The following PCDH11Y variants were observed in gnomAD, a reference collection of about 807,000 sequenced individuals.
PCDH11Y encodes protocadherin 11 Y-linked.
For missense variants in PCDH11Y, 12 were observed against 224.8 expected, an observed-to-expected ratio of 0.05 and a Z score of 6.05; for synonymous variants, 9 against 83.6, an observed-to-expected ratio of 0.11 and a Z score of 4.87.
At chrY:5,037,456 C>T (rs2052600869) in intron 3 of PCDH11Y, among the ~76,000 whole-genome samples, 1 of 31,662 alleles carries the variant, frequency 3.2e-5, no homozygotes, top group Non-Finnish European at 7.7e-5. Flanking sequence ...GTAATCCCAG[C>T]TACTTGGTAG....
intron 3 of PCDH11Y, among the ~76,000 whole-genome samples, chrY:5,041,793 T>C (rs2052612798): frequency 3.0e-5 from 1 of 33,272 alleles, no homozygotes; most frequent in East Asian, 8.1e-4. Flanking sequence ...TTTTTAATGA[T>C]TGCCATTCTA....
downstream of PCDH11Y, among the ~76,000 whole-genome samples, chrY:5,107,173 A>G (rs2124637996): frequency 3.0e-5 from 1 of 33,057 alleles, no homozygotes; most frequent in Non-Finnish European, 7.4e-5. Flanking sequence ...GAAGATGAAA[A>G]TTCCTTGAAA....
chrY:5,309,657 A>T, intron 2 of PCDH11Y, among the ~76,000 whole-genome samples: 1 of 32,941 alleles, frequency 3.0e-5, no homozygotes, highest in Non-Finnish European at 7.4e-5. Flanking sequence ...TGAATACAAA[A>T]GCAGAGTAAT....
chrY:5,253,569 G>A, intron 2 of PCDH11Y, among the ~76,000 whole-genome samples: 1 of 31,102 alleles, frequency 3.2e-5, no homozygotes, highest in Admixed American at 3.0e-4. Flanking sequence ...CCATTTTCTT[G>A]TCTTTTTGTT....
chrY:5,649,726 G>A, intron 4 of PCDH11Y, among the ~76,000 whole-genome samples: 4 of 33,169 alleles, frequency 1.2e-4, no homozygotes, highest in East Asian at 7.9e-4. Context: ...TCTATGTCAT[G>A]CATGCCCCTT....
chrY:5,303,717 G>A, intron 2 of PCDH11Y, among the ~76,000 whole-genome samples: 1 of 32,819 alleles, frequency 3.0e-5, no homozygotes, highest in Admixed American at 2.8e-4. Flanking sequence ...TCTATAGTGG[G>A]CCTCACTGGG....
At chrY:5,683,747 A>T in intron 4 of PCDH11Y, among the ~76,000 whole-genome samples, 1 of 33,144 alleles carries the variant, frequency 3.0e-5, no homozygotes, top group Admixed American at 2.7e-4. Context: ...TTGTGCTAGG[A>T]AAACTTAATT....
intron 3 of PCDH11Y, chrY:5,573,833 G>A: frequency 4.2e-6 from 1 of 236,645 alleles, no homozygotes; most frequent in Non-Finnish European, 7.2e-6. Flanking sequence ...CCAGCTTTAG[G>A]TTGACCGTGG....
chrY:5,343,141 C>A, intron 2 of PCDH11Y, among the ~76,000 whole-genome samples: 8 of 33,490 alleles, frequency 2.4e-4, no homozygotes, highest in South Asian at 1.3e-3. Context: ...AAACACGTAT[C>A]TTTTCAAATT....
At chrY:5,191,417 A>T in intron 2 of PCDH11Y, among the ~76,000 whole-genome samples, 2 of 32,624 alleles carry the variant, frequency 6.1e-5, no homozygotes, top group African/African-American at 1.2e-4. Context: ...TTTATTGCAT[A>T]AAAAAAAAGA....
chrY:5,139,362 T>C (rs2052845099), intron 2 of PCDH11Y, among the ~76,000 whole-genome samples: 1 of 32,606 alleles, frequency 3.1e-5, no homozygotes, highest in African/African-American at 1.2e-4. Flanking sequence ...ACCACTTCTC[T>C]TCAAAATAGG....
At chrY:5,493,501 C>G in intron 2 of PCDH11Y, among the ~76,000 whole-genome samples, 1 of 32,226 alleles carries the variant, frequency 3.1e-5, no homozygotes, top group East Asian at 7.9e-4. Context: ...ATCCATGGTT[C>G]CATCATCTCC....
exon 5 of PCDH11Y, chrY:5,737,922 A>T: frequency 2.5e-6 from 1 of 399,150 alleles, no homozygotes; most frequent in Non-Finnish European, 3.5e-6. Context: ...TTCCCCCATT[A>T]TGGAAACACA....
At chrY:5,390,261 G>A in intron 2 of PCDH11Y, among the ~76,000 whole-genome samples, 1 of 33,654 alleles carries the variant, frequency 3.0e-5, no homozygotes, top group Admixed American at 2.7e-4. Flanking sequence ...TTTCCTATGG[G>A]ATTTTATTGT....
At chrY:5,069,473 C>G (rs2124630431) in intron 1 of PCDH11Y, among the ~76,000 whole-genome samples, 1 of 33,220 alleles carries the variant, frequency 3.0e-5, no homozygotes, top group South Asian at 6.7e-4. Flanking sequence ...CACATATTTC[C>G]CTAAATAGCC....
intron 4 of PCDH11Y, among the ~76,000 whole-genome samples, chrY:5,736,205 CCT>C (rs2053609359): frequency 1.2e-4 from 4 of 32,428 alleles, no homozygotes; most frequent in Non-Finnish European, 3.0e-4. Flanking sequence ...AAGATATTCC[CCT>C]GTTTCTAATT....
intron 2 of PCDH11Y, among the ~76,000 whole-genome samples, chrY:5,311,474 G>GATATAT: frequency 2.0e-3 from 28 of 14,261 alleles, no homozygotes; most frequent in African/African-American, 0.011. Context: ...AAAGAGAAAA[G>GATATAT]ATATATATAT....
intron 2 of PCDH11Y, among the ~76,000 whole-genome samples, chrY:5,455,110 C>A: frequency 3.0e-5 from 1 of 33,683 alleles, no homozygotes; most frequent in Non-Finnish European, 7.3e-5. Context: ...CTGTTAGGAG[C>A]AGGCACAGCA....
chrY:5,326,758 A>G, intron 2 of PCDH11Y, among the ~76,000 whole-genome samples: 1 of 32,914 alleles, frequency 3.0e-5, no homozygotes, highest in African/African-American at 1.2e-4. Context: ...CAGAAAGTAT[A>G]TGCGTCAGGT....
Sources: allele counts gnomAD v4.1 joint callset (sites outside exome capture counted in the v4.1 genomes callset), GRCh38; gene constraint gnomAD v4.1.1; transcripts MANE v1.5; gene names NCBI Gene and HGNC (gene_info 2026-07-23, HGNC 2026-07-21).